Variants in TTC7A observed in about 807,000 individuals in gnomAD.
The protein encoded by TTC7A is tetratricopeptide repeat protein 7A.
TTC7A carries 110 observed loss-of-function variants against 103.7 expected under a neutral mutation model. The observed-to-expected ratio is 1.06, with a 90% CI of 0.91 to 1.24. The LOEUF (loss-of-function observed/expected upper bound fraction) is 1.24. Among genes scored for constraint, TTC7A ranks in the 50% most tolerant of loss-of-function variants. TTC7A has a pLI of 0.00. For synonymous variants in TTC7A, 521 were observed against 467.9 expected (o/e 1.11, Z -1.47); for missense variants, 1,340 against 1,116.3 (o/e 1.20, Z -2.86).
rs1462012644 is a variant in TTC7A, at chr2:46,942,932, G to A, written c.184+1207G>A. On this transcript the variant is annotated intron_variant, in intron 1 of 19. Coordinates refer to ENST00000319190, the MANE Select transcript of TTC7A (RefSeq NM_020458.4). The stretch of plus-strand genomic sequence containing the variant: ...TTTGTTTGTTTGTTTTTGAGACAGG[G>A]TCTCTCTCTGTTACCCAGGCTGGAG... 2.0e-5 allele frequency among the ~76,000 whole-genome samples: 3 copies of A among 152,034 alleles called. No individual in the cohort carries two copies. In the East Asian group the frequency reaches 5.8e-4, roughly 29 times the overall value.
chr2:47,061,946 GT>G (rs527957686), intron 19 of TTC7A, among the ~76,000 whole-genome samples: 1 of 152,320 alleles, frequency 6.6e-6, no homozygotes, highest in African/African-American at 2.4e-5. Context: ...CACCTTGGAT[GT>G]CCCCCCTGTG....
intron 2 of TTC7A, among the ~76,000 whole-genome samples, chr2:46,954,468 G>A (rs185436215): frequency 1.4e-4 from 21 of 151,856 alleles, no homozygotes; most frequent in Admixed American, 5.2e-4. Flanking sequence ...GCAAAAAATA[G>A]CAGCAAAATG....
At chr2:47,063,179 T>G (rs575113417) in intron 19 of TTC7A, among the ~76,000 whole-genome samples, 1 of 152,250 alleles carries the variant, frequency 6.6e-6, no homozygotes, top group Non-Finnish European at 1.5e-5. Flanking sequence ...CCTGATCCAC[T>G]TGGGGGACTT....
chr2:47,006,084 C>A, intron 9 of TTC7A, 25 bp downstream of exon 9: 1 of 1,608,228 alleles, frequency 6.2e-7, no homozygotes, highest in Non-Finnish European at 8.5e-7. Context: ...GCAGCCCACC[C>A]CACTCTCCGG....
rs771835099 is a variant in TTC7A at position 47,046,399 on chromosome 2, G to A, written c.1887G>A (p.Leu629=). The change falls in exon 16 of 20, where the codon CTG becomes CTA. Residue 629 remains leucine (L), a synonymous_variant. Transcript: ENST00000319190. ...ALVTCRQVLR[L]WQTLYSFSQL... ...TGACCTGCAGACAAGTGCTGAGGCTGTGGCAGACCCTGTACAGCTTCTCCC... is the reference window on the plus strand; with the variant it reads ...TGACCTGCAGACAAGTGCTGAGGCTATGGCAGACCCTGTACAGCTTCTCCC... The A allele has an allele frequency of 9.9e-6, 16 of 1,614,228 alleles. No individual in the cohort carries two copies. Among genetic ancestry groups the A allele is most frequent in the East Asian group, 2.2e-5 (1 of 44,880 alleles).
At position 46,941,961 on chromosome 2, in the gene TTC7A, A is replaced by G; in HGVS notation, c.184+236A>G. 1.7e-6 allele frequency: 1 copy of G among 595,794 alleles called. No homozygotes were observed. The highest frequency in any genetic ancestry group is 3.0e-6 in the Non-Finnish European group (1 of 335,144). The allele number at this position is 595,794 out of a possible 1,614,324, so 36.9% of individuals were successfully genotyped here. A position where few individuals can be genotyped will look rare whatever the true frequency, so the allele number is the denominator to read the frequency against. On this transcript the variant is annotated intron_variant, in intron 1 of 19. Coordinates refer to ENST00000319190, the MANE Select transcript of TTC7A (RefSeq NM_020458.4). The surrounding 1 kb of genome is among the most constrained non-coding windows in gnomAD (Gnocchi z 4.2). Reference sequence around the variant, plus strand: ...CTTTTGCTCTGTGTCCTTTAGGATAATGTGGCTAACTCTGTCTACCGTGAA... The same window carrying G: ...CTTTTGCTCTGTGTCCTTTAGGATAGTGTGGCTAACTCTGTCTACCGTGAA...
chr2:46,962,398 T>G (rs1672462493), intron 3 of TTC7A, among the ~76,000 whole-genome samples: 1 of 152,164 alleles, frequency 6.6e-6, no homozygotes, highest in African/African-American at 2.4e-5. Context: ...AGTATGTTCC[T>G]CCACCGAGCG....
intron 19 of TTC7A, among the ~76,000 whole-genome samples, chr2:47,070,906 C>T (rs1340133282): frequency 9.8e-5 from 15 of 152,304 alleles, no homozygotes; most frequent in Middle Eastern, 3.4e-3. Flanking sequence ...TCCCAAGGGA[C>T]GGTCAAAAAC....
chr2:46,944,275 C>T (rs186287011), intron 1 of TTC7A, among the ~76,000 whole-genome samples: 27 of 152,080 alleles, frequency 1.8e-4, no homozygotes, highest in East Asian at 7.7e-4. Context: ...AGCAGTGATA[C>T]GAACTCACGA....
intron 15 of TTC7A, among the ~76,000 whole-genome samples, chr2:47,045,764 C>T (rs17541307): frequency 0.031 from 4,704 of 152,264 alleles, 117 homozygotes; most frequent in South Asian, 0.074. Context: ...GTTGCTTGGG[C>T]ACCTATACTG....
intron 2 of TTC7A, among the ~76,000 whole-genome samples, chr2:46,923,252 T>G (rs1669198649): frequency 6.6e-6 from 1 of 152,232 alleles, no homozygotes; most frequent in Non-Finnish European, 1.5e-5. Context: ...TCATTGGTGA[T>G]CAACTTAACC....
intron 2 of TTC7A, among the ~76,000 whole-genome samples, chr2:46,930,444 A>AG (rs1166866257): frequency 6.6e-6 from 1 of 151,232 alleles, no homozygotes; most frequent in East Asian, 1.9e-4. Context: ...GGAAAAAAAA[A>AG]AAAAACTTAC....
chr2:47,022,686 C>G (rs905636306), intron 12 of TTC7A, among the ~76,000 whole-genome samples: 1 of 152,134 alleles, frequency 6.6e-6, no homozygotes, highest in African/African-American at 2.4e-5. Flanking sequence ...GCGGCAGTCA[C>G]GGTGACATCG....
intron 11 of TTC7A, among the ~76,000 whole-genome samples, chr2:47,020,795 T>C (rs1230872268): frequency 3.3e-5 from 5 of 152,210 alleles, no homozygotes; most frequent in Non-Finnish European, 5.9e-5. Context: ...CTGCCCCTCT[T>C]CCTGTGTCCA....
chr2:46,924,242 A>T (rs1328956734), intron 2 of TTC7A, among the ~76,000 whole-genome samples: 1 of 151,776 alleles, frequency 6.6e-6, no homozygotes, highest in African/African-American at 2.4e-5. Flanking sequence ...GAACCAAAAA[A>T]AAAAAATCTC....
intron 18 of TTC7A, among the ~76,000 whole-genome samples, chr2:47,059,004 G>A (rs1479496242): frequency 5.1e-5 from 6 of 118,278 alleles, no homozygotes; most frequent in African/African-American, 2.1e-4. Context: ...CACCTCCTAA[G>A]CCTGCTTTTT....
At chr2:47,006,100 G>T in intron 9 of TTC7A, 41 bp downstream of exon 9, 1 of 1,602,366 alleles carries the variant, frequency 6.2e-7, no homozygotes. Context: ...TCCGGAGTCA[G>T]GTGGTCTGTA....
chr2:47,046,055 G>C (rs1266734594), intron 15 of TTC7A, among the ~76,000 whole-genome samples: 2 of 152,232 alleles, frequency 1.3e-5, no homozygotes, highest in Non-Finnish European at 2.9e-5. Context: ...ACATGGTCAG[G>C]GGACACGGGG....
chr2:46,916,166 A>G, exon 1 of TTC7A: 1 of 985,458 alleles, frequency 1.0e-6, no homozygotes, highest in African/African-American at 1.7e-5. Flanking sequence ...CCTCCTATAC[A>G]GGGCTCTTGG....
Sources: gnomAD v4.1 joint callset for allele counts (sites outside exome capture counted in the v4.1 genomes callset) on GRCh38, gnomAD v4.1.1 for gene constraint, Gnocchi (gnomAD v3.1) non-coding constraint, MANE v1.5 for transcripts, NCBI Gene and HGNC (gene_info 2026-07-23, HGNC 2026-07-21) for gene names.